Variants in CHD2 observed in about 807,000 individuals in gnomAD.
CHD2 encodes ATP-dependent chromatin remodeler CHD2.
In CHD2, 28 loss-of-function variants were observed where a neutral mutation model predicts 243.9. The ratio of observed to expected loss-of-function variants is 0.11; its 90% confidence interval spans 0.09 to 0.16. The LOEUF (loss-of-function observed/expected upper bound fraction) is 0.16. Ranked by LOEUF, CHD2 falls within the 10% of genes least tolerant of loss-of-function variation. The probability of loss-of-function intolerance (pLI) is 1.00; values close to 1 mark genes in which losing one functional copy is unlikely to be tolerated. For synonymous variants in CHD2, 775 were observed against 779.0 expected, an observed-to-expected ratio of 0.99 and a Z score of 0.09; for missense variants, 1,386 against 2,209.8, an observed-to-expected ratio of 0.63 and a Z score of 7.47.
chr15:92,944,394 T>TTCTG (rs1242527410), intron 9 of CHD2, 21 bp from the exon 10 acceptor site: 1 of 1,425,740 alleles, frequency 7.0e-7, no homozygotes, highest in East Asian at 2.3e-5. Context: ...TGTGTACTTT[T>TTCTG]TCTGTCTGTC....
At position 93,024,610 on chromosome 15, in the gene CHD2, G is replaced by T; in HGVS notation, c.5392G>T (p.Asp1798Tyr). ...ACCCCCTTCTCAGAAATCTCCTCAC[G>T]ATTCCAAGTCACCCCTGGATCATAG... ...RSPPSQKSPH[D>Y]SKSPLDHRSP... is the part of the protein sequence containing the mutation. Residue 1798 changes from aspartate (D) to tyrosine (Y), a missense_variant, in exon 39 of 39, where the codon GAT (aspartate) becomes TAT (tyrosine). Physicochemically the swap from Asp to Tyr is radical, Grantham distance 160. This residue lies in a region of CHD2 where 347 missense variants were observed against 341.6 expected (regional missense o/e 1.02). Transcript: ENST00000394196. 6.2e-7 allele frequency: 1 copy of T among 1,614,128 alleles called. No individual in the cohort carries two copies. The highest frequency in any genetic ancestry group is 8.5e-7 in the Non-Finnish European group (1 of 1,180,030).
At chr15:92,917,665 T>A (rs1015560791) in intron 2 of CHD2, among the ~76,000 whole-genome samples, 6 of 152,238 alleles carry the variant, frequency 3.9e-5, no homozygotes, top group Non-Finnish European at 7.3e-5. Context: ...AGTTATGCAA[T>A]GACATCGGTT....
At chr15:92,947,919 C>T (rs758075960) in intron 12 of CHD2, among the ~76,000 whole-genome samples, 1 of 152,152 alleles carries the variant, frequency 6.6e-6, no homozygotes, top group Non-Finnish European at 1.5e-5. Context: ...GAAAAGTCCC[C>T]TGAAAAAAGA....
In CHD2 at chr15:92,901,083, C is replaced by T. The variant is rs191085624; in HGVS notation, c.-71-84C>T. 16 of 664,276 alleles carry T rather than the reference C, an allele frequency of 2.4e-5. No homozygotes were observed. The East Asian group carries it at 4.1e-4, about 17-fold the overall frequency. 41.1% of individuals were successfully genotyped at this position (664,276 alleles called of 1,614,324 possible). ...TACCGTTGTTGTGTTATAACAATAT[C>T]GTTAACATCGTCAGGACTTTGTTCC... is the stretch of plus-strand genomic sequence containing the variant. On this transcript the variant is annotated intron_variant, in intron 1 of 38. Transcript: ENST00000394196.
In CHD2 at chr15:92,997,566, C is replaced by A; in HGVS notation, c.3885+163C>A. 1.7e-6 allele frequency: 1 copy of A among 594,274 alleles called. No individual in the cohort carries two copies. Among genetic ancestry groups the A allele is most frequent in the South Asian group, 3.8e-5 (1 of 26,384 alleles). The allele number at this position is 594,274 out of a possible 1,614,324, so 36.8% of individuals were successfully genotyped here. Reference sequence around the variant, plus strand: ...TTTAGCAGATTGTGGCACTGTTTCACGGATGAAGATAAAGGGAAAAGACAG... The same window carrying A: ...TTTAGCAGATTGTGGCACTGTTTCAAGGATGAAGATAAAGGGAAAAGACAG... On this transcript the variant is annotated intron_variant, in intron 30 of 38. Transcript: ENST00000394196. The surrounding 1 kb of genome is among the most constrained non-coding windows in gnomAD (Gnocchi z 4.1).
At chr15:92,901,864 T>G (rs1253048416) in intron 2 of CHD2, 1 of 281,360 alleles carries the variant, frequency 3.6e-6, no homozygotes, top group Non-Finnish European at 6.5e-6. Flanking sequence ...TTATGTGACT[T>G]TATATTTCTT....
chr15:92,916,009 CTACTCTCT>C (rs375273564), intron 2 of CHD2, among the ~76,000 whole-genome samples: 1,481 of 133,892 alleles, frequency 0.011, 27 homozygotes, highest in African/African-American at 0.037. Flanking sequence ...GACTATGCCT[CTACTCTCT>C]TCTCACATGG....
chr15:92,919,952 A>G (rs1373415248), intron 2 of CHD2, among the ~76,000 whole-genome samples: 3 of 152,194 alleles, frequency 2.0e-5, no homozygotes, highest in Non-Finnish European at 2.9e-5. Context: ...CTAAAGGCAA[A>G]TATAGTTGTG....
chr15:92,916,803 C>T lies in CHD2; in HGVS notation c.63-7518C>T, dbSNP rs772716475. On this transcript the variant is annotated intron_variant, in intron 2 of 38. Coordinates refer to ENST00000394196, the MANE Select transcript of CHD2 (RefSeq NM_001271.4). Reference sequence around the variant, plus strand: ...TCCTGACCTCCTAATCTGACCACCTCGGCCTCCCAAATTGCTGGGATTACA... The same window carrying T: ...TCCTGACCTCCTAATCTGACCACCTTGGCCTCCCAAATTGCTGGGATTACA... 2.6e-5 allele frequency among the ~76,000 whole-genome samples: 4 copies of T among 152,282 alleles called. No individual in the cohort carries two copies. In the South Asian group the frequency reaches 6.2e-4, roughly 24 times the overall value.
Position 92,937,579 on chromosome 15 carries a change from G to A in CHD2, c.505G>A (p.Glu169Lys). Residue 169 changes from glutamate to lysine, a missense_variant, in exon 6 of 39, where the codon GAG (glutamate) becomes AAG (lysine). Glu to Lys is a moderately conservative substitution (Grantham distance 56). Transcript: ENST00000394196. The stretch of plus-strand genomic sequence containing the variant: ...GGAACAAGGCACCAGTGCAGAGAGT[G>A]AGCCAGAACAAAAAAAAGTAAAAGC... ...EQEQGTSAES[E>K]PEQKKVKARR... 6.2e-7 allele frequency: 1 copy of A among 1,613,674 alleles called. No individual in the cohort carries two copies.
intron 23 of CHD2, 79 bp downstream of exon 23, chr15:92,980,990 G>T: frequency 1.0e-6 from 1 of 955,272 alleles, no homozygotes; most frequent in Non-Finnish European, 1.7e-6. Flanking sequence ...AGAAGATTCT[G>T]TTAGAGGCTT....
chr15:92,953,284 T>A, intron 13 of CHD2, 73 bp from the exon 14 acceptor site: 1 of 1,216,302 alleles, frequency 8.2e-7, no homozygotes, highest in Non-Finnish European at 1.2e-6. Context: ...TTGGTGTCGT[T>A]GCTGTTTATG....
At chr15:92,983,442 G>A (rs1298224703) in intron 24 of CHD2, among the ~76,000 whole-genome samples, 1 of 152,194 alleles carries the variant, frequency 6.6e-6, no homozygotes, top group Non-Finnish European at 1.5e-5. Context: ...AAGTCATAAA[G>A]TAAGAGTCTT....
intron 1 of CHD2, among the ~76,000 whole-genome samples, 168 bp downstream of exon 1, chr15:92,900,992 C>G (rs1243409259): frequency 6.6e-6 from 1 of 150,434 alleles, no homozygotes; most frequent in Non-Finnish European, 1.5e-5. Flanking sequence ...GATGCTTCCA[C>G]TGTTCGGTTT....
At chr15:92,947,151 C>G (rs147768086) in intron 12 of CHD2, 11 of 152,232 alleles carry the variant, frequency 7.2e-5, no homozygotes, top group African/African-American at 2.4e-4. Context: ...GTTAATGGCA[C>G]TAGAATTCTA....
chr15:92,999,083 C>CAAAAAAAAAAAAAAAAAA (rs55738843), intron 31 of CHD2, among the ~76,000 whole-genome samples: 5 of 65,542 alleles, frequency 7.6e-5, no homozygotes, highest in Non-Finnish European at 1.1e-4. Flanking sequence ...GACTCCGTCT[C>CAAAAAAAAAAAAAAAAAA]AAAAAAAAAA....
Position 93,025,039 on chromosome 15 carries a change from T to C in CHD2, c.*334T>C, listed in dbSNP as rs1217540829. ...GTCAAGGAACAGGGGATCTTCAGAG[T>C]CATGAATGTTTTCTTGCCAGGGTCA... is the stretch of plus-strand genomic sequence containing the variant. On this transcript the variant is annotated 3_prime_UTR_variant, in exon 39 of 39. Transcript: ENST00000394196. 1.5e-5 allele frequency: 4 copies of C among 269,498 alleles called. No homozygotes were observed. Among genetic ancestry groups the C allele is most frequent in the African/African-American group, 2.2e-5 (1 of 44,646 alleles). 16.7% of individuals were successfully genotyped at this position (269,498 alleles called of 1,614,324 possible).
intron 33 of CHD2, 38 bp downstream of exon 33, chr15:93,002,355 C>A: frequency 6.4e-7 from 1 of 1,567,646 alleles, no homozygotes; most frequent in Non-Finnish European, 8.6e-7. Flanking sequence ...TATCCACAGC[C>A]TTTGCAATTC....
rs1226901847 is a variant in CHD2, at chr15:93,027,960, C to T, written c.*3255C>T. 6.6e-6 allele frequency: 1 copy of T among 152,590 alleles called. No individual in the cohort carries two copies. Among genetic ancestry groups the T allele is most frequent in the Non-Finnish European group, 1.5e-5 (1 of 68,026 alleles). The allele number at this position is 152,590 out of a possible 1,614,324, so 9.5% of individuals were successfully genotyped here. On this transcript the variant is annotated 3_prime_UTR_variant, in exon 39 of 39. Coordinates refer to ENST00000394196, the MANE Select transcript of CHD2 (RefSeq NM_001271.4). ...TTGTAAAACTGCTGTACTTTTGATT[C>T]TTGTATATTAAAAAGTGTTACTGAG...
Sources: allele counts gnomAD v4.1 joint callset (sites outside exome capture counted in the v4.1 genomes callset), GRCh38; gene constraint gnomAD v4.1.1; regional missense constraint gnomAD v4.1.1; non-coding constraint Gnocchi (gnomAD v3.1); transcripts MANE v1.5; gene names NCBI Gene and HGNC (gene_info 2026-07-23, HGNC 2026-07-21).